NRXN1: variants seen among roughly 807,000 people sequenced by gnomAD.
NRXN1 encodes neurexin 1.
In NRXN1, 39 loss-of-function variants were observed where a neutral mutation model predicts 150.9. That is an observed-to-expected ratio of 0.26 (90% CI 0.20 to 0.34). The LOEUF is 0.34. NRXN1 is among the 10% of genes least tolerant of loss of function. The probability of loss-of-function intolerance (pLI) is 1.00; values close to 1 mark genes in which losing one functional copy is unlikely to be tolerated. For synonymous variants in NRXN1, 924 were observed against 757.0 expected, an observed-to-expected ratio of 1.22 and a Z score of -3.62; for missense variants, 1,815 against 1,949.9, an observed-to-expected ratio of 0.93 and a Z score of 1.30.
At chr2:50,246,728 C>T (rs1275509935) in intron 17 of NRXN1, among the ~76,000 whole-genome samples, 1 of 53,010 alleles carries the variant, frequency 1.9e-5, no homozygotes, top group Non-Finnish European at 4.4e-5. Context: ...GGCTTCTCTG[C>T]TGCACCTTGA....
chr2:50,732,841 A>G (rs1191760926), intron 5 of NRXN1, among the ~76,000 whole-genome samples: 1 of 152,112 alleles, frequency 6.6e-6, no homozygotes, highest in Non-Finnish European at 1.5e-5. Flanking sequence ...AAATTAAACT[A>G]AGAAATAGAG....
chr2:50,136,273 G>GA (rs1484517771), intron 18 of NRXN1, among the ~76,000 whole-genome samples: 1 of 152,056 alleles, frequency 6.6e-6, no homozygotes, highest in Non-Finnish European at 1.5e-5. Context: ...AAATTCCTGA[G>GA]AAAAATAACA....
intron 21 of NRXN1, among the ~76,000 whole-genome samples, chr2:49,950,462 A>G (rs1199506972): frequency 1.3e-5 from 2 of 151,970 alleles, no homozygotes; most frequent in African/African-American, 4.8e-5. Context: ...TTACTCAACA[A>G]TGAATACAAA....
At chr2:50,357,626 G>A (rs1394208365) in intron 17 of NRXN1, among the ~76,000 whole-genome samples, 1 of 152,092 alleles carries the variant, frequency 6.6e-6, no homozygotes, top group Non-Finnish European at 1.5e-5. Flanking sequence ...ATTTATTTAT[G>A]TGCTATTCTC....
chr2:50,922,774 A>C, intron 3 of NRXN1, 87 bp from the exon 4 acceptor site: 1 of 1,274,902 alleles, frequency 7.8e-7, no homozygotes, highest in Non-Finnish European at 1.1e-6. Context: ...GTTCAGTGAC[A>C]GACATCTCTT....
At chr2:50,274,985 C>T (rs2070249383) in intron 17 of NRXN1, among the ~76,000 whole-genome samples, 1 of 152,134 alleles carries the variant, frequency 6.6e-6, no homozygotes, top group Non-Finnish European at 1.5e-5. Context: ...TAGAAGACTT[C>T]ATATGTTTTG....
chr2:50,887,333 A>C (rs1048836582), intron 5 of NRXN1, among the ~76,000 whole-genome samples: 2 of 151,540 alleles, frequency 1.3e-5, no homozygotes, highest in Non-Finnish European at 3.0e-5. Context: ...TATTTGCAAA[A>C]GGAATATCAG....
chr2:50,396,319 T>C (rs1210946023), intron 17 of NRXN1, among the ~76,000 whole-genome samples: 1 of 152,204 alleles, frequency 6.6e-6, no homozygotes, highest in African/African-American at 2.4e-5. Context: ...CATGTGAAAG[T>C]TTCTTTGCTT....
chr2:50,214,605 A>T (rs2063262527), intron 18 of NRXN1, among the ~76,000 whole-genome samples: 2 of 151,976 alleles, frequency 1.3e-5, no homozygotes, highest in Non-Finnish European at 2.9e-5. Flanking sequence ...TAATTCAAAT[A>T]TAGTCTGTAT....
At chr2:50,586,607 A>G (rs1673139721) in intron 8 of NRXN1, among the ~76,000 whole-genome samples, 1 of 152,148 alleles carries the variant, frequency 6.6e-6, no homozygotes, top group Non-Finnish European at 1.5e-5. Flanking sequence ...TCTCCCCACA[A>G]AAGAAACATC....
intron 18 of NRXN1, among the ~76,000 whole-genome samples, chr2:50,139,401 A>G (rs1706925280): frequency 6.6e-6 from 1 of 151,826 alleles, no homozygotes; most frequent in African/African-American, 2.4e-5. Flanking sequence ...ATCACGTAGG[A>G]TGATGGCAGT....
intron 5 of NRXN1, among the ~76,000 whole-genome samples, chr2:50,895,126 C>T (rs1681721451): frequency 6.6e-6 from 1 of 152,068 alleles, no homozygotes; most frequent in South Asian, 2.1e-4. Flanking sequence ...TATTCCCTCC[C>T]CCAAGTTTAA....
At chr2:50,584,692 A>G (rs1354053042) in intron 8 of NRXN1, among the ~76,000 whole-genome samples, 1 of 152,198 alleles carries the variant, frequency 6.6e-6, no homozygotes, top group Non-Finnish European at 1.5e-5. Context: ...TTGGTAAACC[A>G]AAATGAACTG....
At chr2:50,827,726 G>C (rs1458287018) in intron 5 of NRXN1, among the ~76,000 whole-genome samples, 1 of 151,870 alleles carries the variant, frequency 6.6e-6, no homozygotes, top group African/African-American at 2.4e-5. Flanking sequence ...AAAGGTCTCT[G>C]GTTTTCCTAG....
chr2:50,261,047 T>C (rs994991642), intron 17 of NRXN1, among the ~76,000 whole-genome samples: 11 of 151,742 alleles, frequency 7.2e-5, no homozygotes, highest in African/African-American at 2.4e-4. Context: ...TTACTAAGTC[T>C]TTCCAACATT....
intron 18 of NRXN1, among the ~76,000 whole-genome samples, chr2:50,143,160 AG>A (rs1707514149): frequency 6.6e-6 from 1 of 151,734 alleles, no homozygotes; most frequent in Admixed American, 6.6e-5. Context: ...GGTAGTAAGG[AG>A]GGAAGGAAGG....
chr2:50,135,823 C>T (rs1441986887), intron 18 of NRXN1, among the ~76,000 whole-genome samples: 3 of 152,236 alleles, frequency 2.0e-5, no homozygotes, highest in Admixed American at 6.5e-5. Flanking sequence ...GAAGGATTCG[C>T]TAATTGGTTT....
intron 21 of NRXN1, among the ~76,000 whole-genome samples, chr2:49,969,440 G>T (rs1677556578): frequency 6.6e-6 from 1 of 151,950 alleles, no homozygotes; most frequent in South Asian, 2.1e-4. Context: ...TCTAAATAAA[G>T]TGCTTTAAAA....
intron 8 of NRXN1, chr2:50,589,505 A>T (rs6742700): frequency 1.7e-5 from 2 of 116,444 alleles, no homozygotes; most frequent in African/African-American, 6.0e-5. Flanking sequence ...CACAGGTGTG[A>T]ACCACCATGC....
Sources: gnomAD v4.1 joint callset for allele counts (sites outside exome capture counted in the v4.1 genomes callset) on GRCh38, gnomAD v4.1.1 for gene constraint, MANE v1.5 for transcripts, NCBI Gene and HGNC (gene_info 2026-07-23, HGNC 2026-07-21) for gene names.